The following MIPEP variants were observed in gnomAD, a reference collection of about 807,000 sequenced individuals.
MIPEP encodes mitochondrial intermediate peptidase.
In MIPEP, 79 loss-of-function variants were observed where a neutral mutation model predicts 90.3. The ratio of observed to expected loss-of-function variants is 0.87; its 90% CI spans 0.73 to 1.05. The LOEUF is 1.05. MIPEP is among the 50% of genes least tolerant of loss of function. The probability of loss-of-function intolerance (pLI) is 0.00; values close to 1 mark genes in which losing one functional copy is unlikely to be tolerated. For missense variants in MIPEP, 940 were observed against 905.6 expected (o/e 1.04, Z -0.49); for synonymous variants, 334 against 315.8 (o/e 1.06, Z -0.61).
intron 5 of MIPEP, among the ~76,000 whole-genome samples, chr13:23,870,804 CA>C (rs1390220068): frequency 6.8e-6 from 1 of 147,246 alleles, no homozygotes; most frequent in South Asian, 2.2e-4. Context: ...GACTCTGTCT[CA>C]AAAAAAAACA....
intron 16 of MIPEP, among the ~76,000 whole-genome samples, chr13:23,763,482 G>A (rs539246325): frequency 6.6e-6 from 1 of 152,302 alleles, no homozygotes; most frequent in South Asian, 2.1e-4. Flanking sequence ...ATAGAGCAGA[G>A]TTTAATTCTG....
intron 16 of MIPEP, among the ~76,000 whole-genome samples, chr13:23,780,082 T>C (rs981658546): frequency 6.6e-6 from 1 of 152,246 alleles, no homozygotes; most frequent in African/African-American, 2.4e-5. Flanking sequence ...TAAATGTCCC[T>C]GTCTGACAGC....
chr13:23,847,475 A>AAC (rs1352645876), intron 10 of MIPEP, among the ~76,000 whole-genome samples: 1 of 151,710 alleles, frequency 6.6e-6, no homozygotes, highest in East Asian at 1.9e-4. Flanking sequence ...AAAAAAAAAA[A>AAC]AAAAACCCAA....
intron 18 of MIPEP, among the ~76,000 whole-genome samples, chr13:23,746,623 G>C (rs1267645399): frequency 8.2e-6 from 1 of 121,234 alleles, no homozygotes; most frequent in Non-Finnish European, 1.7e-5. Context: ...GAGAGAGAGA[G>C]ACTCCCTCTC....
chr13:23,763,126 G>A (rs368073687), intron 16 of MIPEP, among the ~76,000 whole-genome samples: 47 of 152,294 alleles, frequency 3.1e-4, no homozygotes, highest in East Asian at 2.9e-3. Context: ...TTTAGAATTC[G>A]TTTACAACAT....
intron 16 of MIPEP, among the ~76,000 whole-genome samples, chr13:23,779,528 G>A (rs2137358806): frequency 6.6e-6 from 1 of 152,296 alleles, no homozygotes; most frequent in Admixed American, 6.5e-5. Flanking sequence ...CTCCCAGCGT[G>A]AGTGACGCAG....
At chr13:23,827,400 G>A (rs1290260672) in intron 14 of MIPEP, among the ~76,000 whole-genome samples, 1 of 152,074 alleles carries the variant, frequency 6.6e-6, no homozygotes, top group Non-Finnish European at 1.5e-5. Flanking sequence ...AGCCCAAAGA[G>A]GCTTATGACT....
At chr13:23,740,040 G>A (rs1019499917) in intron 18 of MIPEP, among the ~76,000 whole-genome samples, 4 of 152,192 alleles carry the variant, frequency 2.6e-5, no homozygotes, top group African/African-American at 9.7e-5. Context: ...TTAGAGCAGT[G>A]GTTTAGAGGG....
At position 23,870,034 on chromosome 13, in the gene MIPEP, G is replaced by C. The variant is rs760503742; in HGVS notation, c.765C>G (p.His255Gln). The change falls in exon 6 of 19, where the codon CAC (histidine) becomes CAG (glutamine). Residue 255 changes from histidine to glutamine, a missense_variant. Coordinates refer to ENST00000382172, the MANE Select transcript of MIPEP (RefSeq NM_005932.4). ...ATACCAAGTCATCTGGTGATTCTGC[G>C]TGGAGACCATCAATTATGATATGAT... ...AGDHIIIDGL[H>Q]AESPDDLVRE... The C allele has an allele frequency of 1.2e-6, 2 of 1,600,568 alleles. No individual in the cohort carries two copies. Among genetic ancestry groups the C allele is most frequent in the Non-Finnish European group, 1.7e-6 (2 of 1,173,018 alleles).
chr13:23,760,344 G>A (rs1952528849), intron 16 of MIPEP, 127 bp from the exon 17 acceptor site: 4 of 1,189,666 alleles, frequency 3.4e-6, no homozygotes, highest in Middle Eastern at 2.0e-4. Flanking sequence ...TACCCTAGAA[G>A]GCTACGTCAC....
chr13:23,744,487 C>T (rs1952364450), intron 18 of MIPEP, among the ~76,000 whole-genome samples: 1 of 152,192 alleles, frequency 6.6e-6, no homozygotes, highest in South Asian at 2.1e-4. Flanking sequence ...GTCAGAGTAC[C>T]TGACTCTGAA....
chr13:23,864,782 CA>C (rs1870463126), intron 7 of MIPEP, among the ~76,000 whole-genome samples: 1 of 128,848 alleles, frequency 7.8e-6, no homozygotes, highest in African/African-American at 2.9e-5. Context: ...GAAAAAAGTA[CA>C]AAATTTCAAG....
intron 14 of MIPEP, among the ~76,000 whole-genome samples, chr13:23,812,914 T>C (rs1317452395): frequency 6.6e-6 from 1 of 152,148 alleles, no homozygotes. Flanking sequence ...CCTAGTAGAA[T>C]AGTGCAGAGG....
At chr13:23,853,616 A>G (rs751705263) in intron 10 of MIPEP, among the ~76,000 whole-genome samples, 1 of 150,616 alleles carries the variant, frequency 6.6e-6, no homozygotes, top group Non-Finnish European at 1.5e-5. Flanking sequence ...ACTGGAGTGC[A>G]GTGTCATTAT....
chr13:23,772,711 C>T (rs766271255), intron 16 of MIPEP, among the ~76,000 whole-genome samples: 41 of 152,142 alleles, frequency 2.7e-4, no homozygotes, highest in Admixed American at 1.3e-4. Context: ...CTATAGGTTA[C>T]AACGTTAAAC....
chr13:23,886,340 G>A lies in MIPEP; in HGVS notation c.356C>T (p.Ala119Val). 1 of 1,535,888 alleles carries A rather than the reference G, an allele frequency of 6.5e-7. No homozygotes were observed. Among genetic ancestry groups the A allele is most frequent in the South Asian group, 1.3e-5 (1 of 77,296 alleles). Reference protein sequence around the residue: ...DELSDSLCRVADLADFVKIAH... With the variant: ...DELSDSLCRVVDLADFVKIAH... ...TGAGGTAAAGCACCTTACCAAGTCG[G>A]CCACTCTGCATAAGGAATCCGAGAG... The change falls in exon 2 of 19, where the codon GCC (alanine) becomes GTC (valine). Residue 119 changes from alanine (A) to valine (V), a missense_variant. Ala to Val is a moderately conservative substitution (Grantham distance 64, BLOSUM62 0). Coordinates refer to ENST00000382172, the MANE Select transcript of MIPEP (RefSeq NM_005932.4).
chr13:23,761,035 T>C (rs1313689390), intron 16 of MIPEP, among the ~76,000 whole-genome samples: 1 of 152,116 alleles, frequency 6.6e-6, no homozygotes, highest in Non-Finnish European at 1.5e-5. Flanking sequence ...AATTACATTT[T>C]ATGACAAAAC....
chr13:23,803,961 A>G (rs1473528757), intron 16 of MIPEP, among the ~76,000 whole-genome samples: 1 of 152,206 alleles, frequency 6.6e-6, no homozygotes, highest in Non-Finnish European at 1.5e-5. Context: ...AGAGCAAGTG[A>G]TGGCTACTGA....
chr13:23,839,655 T>G lies in MIPEP; in HGVS notation c.1332A>C (p.Pro444=). The part of the protein sequence containing the change: ...YCDFFQRADK[P]HQDCHFTIRG... ...TTTATAAAGAAAGGATCACCTGATG[T>G]GGTTTGTCTGCTCGCTGAAAAAAAT... is the stretch of plus-strand genomic sequence containing the variant. The change falls in exon 12 of 19, where the codon CCA becomes CCC. Residue 444 remains proline, a synonymous_variant. Coordinates refer to ENST00000382172, the MANE Select transcript of MIPEP (RefSeq NM_005932.4). The G allele has an allele frequency of 6.2e-7, 1 of 1,611,808 alleles. No individual in the cohort carries two copies. Among genetic ancestry groups the G allele is most frequent in the Non-Finnish European group, 8.5e-7 (1 of 1,178,634 alleles).
Sources: gnomAD v4.1 joint callset for allele counts (sites outside exome capture counted in the v4.1 genomes callset) on GRCh38, gnomAD v4.1.1 for gene constraint, MANE v1.5 for transcripts, NCBI Gene and HGNC (gene_info 2026-07-23, HGNC 2026-07-21) for gene names.